The following CDC42BPA variants were observed in gnomAD, a reference collection of about 807,000 sequenced individuals.
The protein encoded by CDC42BPA is CDC42 binding protein kinase alpha, also known as serine/threonine-protein kinase MRCK alpha.
Under a neutral mutation model 223.5 loss-of-function variants are expected in CDC42BPA, and 80 were observed. The observed-to-expected ratio is 0.36, with a 90% CI of 0.30 to 0.43. CDC42BPA has a LOEUF of 0.43. CDC42BPA is among the 20% of genes least tolerant of loss of function. The pLI, the probability that CDC42BPA is intolerant of heterozygous loss-of-function variation, is 1.00. For missense variants in CDC42BPA, 1,743 were observed against 2,099.9 expected (o/e 0.83, Z 3.32); for synonymous variants, 694 against 718.6 (o/e 0.97, Z 0.55).
intron 2 of CDC42BPA, among the ~76,000 whole-genome samples, chr1:227,235,875 A>G (rs1274676901): frequency 1.3e-5 from 2 of 152,162 alleles, no homozygotes; most frequent in African/African-American, 4.8e-5. Context: ...AACAAGGAGG[A>G]TTTAAATTCC....
At chr1:227,217,320 G>A (rs1675030788) in intron 2 of CDC42BPA, among the ~76,000 whole-genome samples, 1 of 151,810 alleles carries the variant, frequency 6.6e-6, no homozygotes, top group Non-Finnish European at 1.5e-5. Context: ...GGTGGCGGGC[G>A]CCTGTAGTCC....
intron 5 of CDC42BPA, among the ~76,000 whole-genome samples, chr1:227,180,177 G>C (rs1400270203): frequency 3.9e-5 from 6 of 152,184 alleles, no homozygotes; most frequent in African/African-American, 9.7e-5. Context: ...CTGCACTCCA[G>C]CCTGGGTGAC....
intron 1 of CDC42BPA, 137 bp downstream of exon 1, chr1:227,316,868 A>G: frequency 1.5e-6 from 1 of 670,592 alleles, no homozygotes; most frequent in South Asian, 2.1e-5. Context: ...CTAGCGGAAA[A>G]TCTTGAATAA....
chr1:227,042,066 T>C (rs988337940), intron 23 of CDC42BPA, among the ~76,000 whole-genome samples: 2 of 152,150 alleles, frequency 1.3e-5, no homozygotes, highest in South Asian at 2.1e-4. Context: ...ACTTTTTCAA[T>C]TGTTCAAAAT....
rs759273809 is a variant in CDC42BPA at position 227,101,018 on chromosome 1, G to T, written c.2223C>A (p.Asp741Glu). 1.8e-5 allele frequency: 27 copies of T among 1,524,256 alleles called. No individual in the cohort carries two copies. In the Admixed American group the frequency reaches 4.7e-4, roughly 27 times the overall value. The allele number at this position is 1,524,256 out of a possible 1,614,324, so 94.4% of individuals were successfully genotyped here. Residue 741 changes from aspartate (D) to glutamate (E), a missense_variant, in exon 15 of 37, where the codon GAC becomes GAA. Coordinates refer to ENST00000366766, the MANE Select transcript of CDC42BPA (RefSeq NM_001394014.1). ...ALNKEIMILK[D>E]KLEKTRRESQ... is the part of the protein sequence containing the mutation. ...TTTCTCTTCTGGTTTTTTCCAATTT[G>T]TCTTTTAAAATCATAATTTCTTTGT... is the stretch of plus-strand genomic sequence containing the variant.
chr1:227,133,338 TG>T, intron 10 of CDC42BPA, among the ~76,000 whole-genome samples: 1 of 135,514 alleles, frequency 7.4e-6, no homozygotes, highest in African/African-American at 2.9e-5. Flanking sequence ...CGGGAGGAGG[TG>T]GGGGCGGACA....
At chr1:227,023,870 T>C (rs1466718969) in intron 31 of CDC42BPA, among the ~76,000 whole-genome samples, 13 of 152,174 alleles carry the variant, frequency 8.5e-5, no homozygotes, top group Admixed American at 4.6e-4. Context: ...GTATATACAT[T>C]TAAAAAAGAT....
At chr1:227,151,257 G>T (rs908178802) in intron 6 of CDC42BPA, among the ~76,000 whole-genome samples, 1 of 152,176 alleles carries the variant, frequency 6.6e-6, no homozygotes, top group African/African-American at 2.4e-5. Context: ...TAAAATATTT[G>T]TACTTTTCTA....
intron 12 of CDC42BPA, among the ~76,000 whole-genome samples, chr1:227,118,594 G>C (rs967715996): frequency 6.6e-6 from 1 of 151,982 alleles, no homozygotes; most frequent in Non-Finnish European, 1.5e-5. Context: ...TATAAATCTA[G>C]CTATCTGATT....
chr1:226,996,899 G>T (rs1169916841), intron 35 of CDC42BPA, among the ~76,000 whole-genome samples: 3 of 152,208 alleles, frequency 2.0e-5, no homozygotes, highest in Non-Finnish European at 2.9e-5. Flanking sequence ...GTTCATCAGG[G>T]ATATTGGCTT....
intron 1 of CDC42BPA, among the ~76,000 whole-genome samples, chr1:227,288,695 C>CA (rs60148126): frequency 9.4e-5 from 14 of 149,370 alleles, no homozygotes; most frequent in Admixed American, 1.3e-4. Flanking sequence ...GACTCGGTCT[C>CA]AAAAAAAAAA....
intron 8 of CDC42BPA, among the ~76,000 whole-genome samples, chr1:227,144,380 TTCTG>T (rs1660278967): frequency 6.6e-6 from 1 of 151,794 alleles, no homozygotes; most frequent in Non-Finnish European, 1.5e-5. Context: ...ATCAAGACCA[TTCTG>T]GCTAACACGG....
At chr1:227,164,127 A>T (rs577793298) in intron 5 of CDC42BPA, among the ~76,000 whole-genome samples, 85 of 152,268 alleles carry the variant, frequency 5.6e-4, no homozygotes, top group African/African-American at 1.9e-3. Context: ...AACAGGCATA[A>T]ATTGGAACTC....
intron 3 of CDC42BPA, among the ~76,000 whole-genome samples, chr1:227,209,109 T>A (rs9661834): frequency 6.9e-6 from 1 of 143,894 alleles, no homozygotes; most frequent in African/African-American, 2.6e-5. Context: ...TTTTATTCTC[T>A]TTGAAGCAAT....
At chr1:227,075,374 A>G (rs566164322) in intron 17 of CDC42BPA, among the ~76,000 whole-genome samples, 1 of 152,312 alleles carries the variant, frequency 6.6e-6, no homozygotes, top group South Asian at 2.1e-4. Context: ...ATCTCTTAGA[A>G]TGTAAACTCC....
intron 1 of CDC42BPA, among the ~76,000 whole-genome samples, chr1:227,292,250 G>A (rs1245819984): frequency 6.6e-6 from 1 of 152,024 alleles, no homozygotes; most frequent in Non-Finnish European, 1.5e-5. Flanking sequence ...CAAAGTGCTG[G>A]GATTACAGGC....
intron 5 of CDC42BPA, among the ~76,000 whole-genome samples, chr1:227,169,709 G>T (rs767207862): frequency 3.3e-5 from 5 of 152,162 alleles, no homozygotes; most frequent in Admixed American, 6.5e-5. Context: ...CAAAACATGA[G>T]ATGTCATTTC....
intron 1 of CDC42BPA, among the ~76,000 whole-genome samples, chr1:227,268,795 T>C (rs2102636): frequency 0.31 from 46,275 of 150,762 alleles, 7,268 homozygotes; most frequent in East Asian, 0.37. Context: ...AAACAATCCT[T>C]CCACCTCAGC....
intron 1 of CDC42BPA, among the ~76,000 whole-genome samples, chr1:227,313,373 G>A (rs893072511): frequency 5.9e-5 from 9 of 152,088 alleles, no homozygotes; most frequent in African/African-American, 2.2e-4. Flanking sequence ...ACCTCTAAGT[G>A]TAATTTCTCT....
Sources: gnomAD v4.1 joint callset for allele counts (sites outside exome capture counted in the v4.1 genomes callset) on GRCh38, gnomAD v4.1.1 for gene constraint, MANE v1.5 for transcripts, NCBI Gene and HGNC (gene_info 2026-07-23, HGNC 2026-07-21) for gene names.